Variants in TMEM132B observed in about 807,000 individuals in gnomAD.
The protein encoded by TMEM132B is transmembrane protein 132B.
A neutral mutation model predicts 90.8 loss-of-function variants in TMEM132B; 18 were observed. The ratio of observed to expected loss-of-function variants is 0.20; its 90% CI spans 0.14 to 0.29. The LOEUF is 0.29. TMEM132B is among the 10% of genes least tolerant of loss of function. TMEM132B has a pLI of 1.00. For missense variants in TMEM132B, 1,096 were observed against 1,326.8 expected, an observed-to-expected ratio of 0.83 and a Z score of 2.70; for synonymous variants, 504 against 523.3, an observed-to-expected ratio of 0.96 and a Z score of 0.50.
Position 125,415,565 on chromosome 12 carries a change from G to A in TMEM132B, c.994G>A (p.Val332Met). Residue 332 changes from valine to methionine, a missense_variant, in exon 3 of 9, where the codon GTG becomes ATG. By Grantham distance (21) the Val-to-Met change is conservative. Transcript: ENST00000682704. The surrounding 1 kb of genome is among the most constrained non-coding windows in gnomAD (Gnocchi z 5.3). ...GGCAGCAGGTGTGAAGATAACGGCA[G>A]TGAGAGTCAGCAGTGAGGACCAATG... ...KAAAGVKITA[V>M]RVSSEDQWAV... The A allele has an allele frequency of 6.2e-7, 1 of 1,614,232 alleles. No homozygotes were observed. Among genetic ancestry groups the A allele is most frequent in the Non-Finnish European group, 8.5e-7 (1 of 1,180,040 alleles).
intron 5 of TMEM132B, among the ~76,000 whole-genome samples, chr12:125,603,660 A>G (rs763998862): frequency 1.7e-4 from 26 of 152,270 alleles, no homozygotes; most frequent in Non-Finnish European, 3.4e-4. Flanking sequence ...CAGAGTGAAC[A>G]GGCAACCTAC....
intron 2 of TMEM132B, among the ~76,000 whole-genome samples, chr12:125,387,839 G>T (rs751851165): frequency 6.6e-6 from 1 of 152,168 alleles, no homozygotes; most frequent in Non-Finnish European, 1.5e-5. Context: ...AAAAGGCAAT[G>T]TAAAGAATTC....
intron 1 of TMEM132B, among the ~76,000 whole-genome samples, chr12:125,325,668 C>CGTGTGTGTGTGT (rs1876540681): frequency 7.2e-6 from 1 of 139,366 alleles, no homozygotes; most frequent in East Asian, 2.1e-4. Flanking sequence ...TGCCTCCCAC[C>CGTGTGTGTGTGT]CTGTGTGTGT....
chr12:125,316,004 G>A (rs1260647885), intron 1 of TMEM132B, among the ~76,000 whole-genome samples: 8 of 152,080 alleles, frequency 5.3e-5, no homozygotes, highest in Admixed American at 3.3e-4. Context: ...GGCTTTTCTG[G>A]GGACACAGGT....
chr12:125,628,915 C>T (rs770129902), intron 5 of TMEM132B, among the ~76,000 whole-genome samples: 19 of 152,076 alleles, frequency 1.2e-4, no homozygotes, highest in Non-Finnish European at 2.5e-4. Context: ...TGCTTTTTCC[C>T]CAGTGTATGT....
chr12:125,623,002 A>G (rs909156344), intron 5 of TMEM132B, among the ~76,000 whole-genome samples: 2 of 152,144 alleles, frequency 1.3e-5, no homozygotes, highest in Admixed American at 1.3e-4. Context: ...TTATGTACAG[A>G]CCCTGAACAC....
At chr12:125,220,062 C>T (rs1447251444) in intron 1 of TMEM132B, among the ~76,000 whole-genome samples, 1 of 152,262 alleles carries the variant, frequency 6.6e-6, no homozygotes, top group Non-Finnish European at 1.5e-5. Flanking sequence ...ATCCCCTGAG[C>T]TCCACAAGGT....
chr12:125,594,222 T>A (rs987082016), intron 5 of TMEM132B, among the ~76,000 whole-genome samples: 9 of 152,242 alleles, frequency 5.9e-5, no homozygotes, highest in Non-Finnish European at 1.3e-4. Context: ...TCACCCATGT[T>A]ATGTGTAACA....
chr12:125,443,507 T>C (rs114554193), intron 3 of TMEM132B, among the ~76,000 whole-genome samples: 15 of 152,284 alleles, frequency 9.9e-5, no homozygotes, highest in African/African-American at 3.6e-4. Flanking sequence ...GACTCTTAAG[T>C]TGCAGCTCTG....
chr12:125,466,288 G>A (rs1414878653), intron 3 of TMEM132B, among the ~76,000 whole-genome samples: 1 of 152,200 alleles, frequency 6.6e-6, no homozygotes, highest in Admixed American at 6.5e-5. Context: ...GGGTGCAGCT[G>A]CCTAAGGATG....
intron 4 of TMEM132B, 138 bp downstream of exon 4, chr12:125,519,763 A>G: frequency 1.2e-6 from 1 of 864,748 alleles, no homozygotes; most frequent in Non-Finnish European, 1.8e-6. Flanking sequence ...CATTTGATCT[A>G]CCTGCTTTTC....
rs188483359 is a variant in TMEM132B, at chr12:125,270,274, C to T, written c.68-79178C>T. On this transcript the variant is annotated intron_variant, in intron 1 of 8. Transcript: ENST00000682704. ...ACCTCAGCCTCCTGAGTAGCTGGAA[C>T]TCCAGGTGCACCACCATGCATCCTA... 2.9e-3 allele frequency among the ~76,000 whole-genome samples: 439 copies of T among 152,228 alleles called. 2 individuals are homozygous for T. The highest frequency in any genetic ancestry group is 6.3e-3 in the African/African-American group (261 of 41,538).
At chr12:125,222,755 C>G (rs1353326618) in intron 1 of TMEM132B, among the ~76,000 whole-genome samples, 2 of 152,200 alleles carry the variant, frequency 1.3e-5, no homozygotes, top group Non-Finnish European at 2.9e-5. Context: ...ATCCCTGGCC[C>G]TTCCATCAGC....
intron 1 of TMEM132B, among the ~76,000 whole-genome samples, chr12:125,257,599 C>G (rs1212700573): frequency 6.6e-6 from 1 of 152,160 alleles, no homozygotes; most frequent in Non-Finnish European, 1.5e-5. Context: ...AGGATGACCC[C>G]CATTCCTGGA....
At chr12:125,474,056 T>TTCCTTTCCTTTCCTTTCC (rs1555252177) in intron 3 of TMEM132B, among the ~76,000 whole-genome samples, 9 of 129,482 alleles carry the variant, frequency 7.0e-5, no homozygotes, top group African/African-American at 2.8e-4. Flanking sequence ...CCTTCTTTCT[T>TTCCTTTCCTTTCCTTTCC]TTTCCTTTCC....
chr12:125,592,406 C>T (rs1348477875), intron 5 of TMEM132B, among the ~76,000 whole-genome samples: 5 of 152,090 alleles, frequency 3.3e-5, no homozygotes, highest in Non-Finnish European at 7.3e-5. Flanking sequence ...TCCAGTATCA[C>T]TGGACTTGAA....
intron 3 of TMEM132B, among the ~76,000 whole-genome samples, chr12:125,473,984 T>C (rs1478890766): frequency 6.6e-6 from 1 of 152,014 alleles, no homozygotes; most frequent in East Asian, 1.9e-4. Flanking sequence ...TGTTTTTTTT[T>C]AAACTAATTC....
intron 5 of TMEM132B, among the ~76,000 whole-genome samples, chr12:125,618,733 A>C (rs774245931): frequency 1.3e-5 from 2 of 152,194 alleles, no homozygotes; most frequent in Non-Finnish European, 2.9e-5. Flanking sequence ...GAGTGGGTCC[A>C]CAGAGCTCCT....
chr12:125,238,571 G>A (rs1873994695), intron 1 of TMEM132B, among the ~76,000 whole-genome samples: 1 of 152,134 alleles, frequency 6.6e-6, no homozygotes. Context: ...TGGCTATTTT[G>A]ATAAGTCTGG....
Sources: allele counts gnomAD v4.1 joint callset (sites outside exome capture counted in the v4.1 genomes callset), GRCh38; gene constraint gnomAD v4.1.1; non-coding constraint Gnocchi (gnomAD v3.1); transcripts MANE v1.5; gene names NCBI Gene and HGNC (gene_info 2026-07-23, HGNC 2026-07-21).